Variants in TRPM3 observed in about 807,000 individuals in gnomAD.
The protein encoded by TRPM3 is long transient receptor potential channel 3.
In TRPM3, 77 loss-of-function variants were observed where a neutral mutation model predicts 181.2. The ratio of observed to expected loss-of-function variants is 0.42; its 90% CI spans 0.35 to 0.51. The LOEUF is 0.51. TRPM3 is among the 20% of genes least tolerant of loss of function. The pLI, the probability that TRPM3 is intolerant of heterozygous loss-of-function variation, is 0.01. For missense variants in TRPM3, 1,759 were observed against 2,196.7 expected, an observed-to-expected ratio of 0.80 and a Z score of 3.98; for synonymous variants, 745 against 796.4, an observed-to-expected ratio of 0.94 and a Z score of 1.09.
intron 1 of TRPM3, among the ~76,000 whole-genome samples, chr9:70,889,068 A>G (rs2096146646): frequency 6.6e-6 from 1 of 152,180 alleles, no homozygotes; most frequent in Non-Finnish European, 1.5e-5. Context: ...AAGCTCGGGA[A>G]CTGGAAGGGG....
intron 1 of TRPM3, among the ~76,000 whole-genome samples, chr9:70,930,401 T>C (rs369419081): frequency 1.3e-5 from 2 of 152,218 alleles, no homozygotes; most frequent in African/African-American, 4.8e-5. Context: ...AAATTATTTA[T>C]CTGGGTGAAG....
chr9:70,668,691 A>G (rs1322438430), intron 9 of TRPM3, among the ~76,000 whole-genome samples: 2 of 151,024 alleles, frequency 1.3e-5, no homozygotes, highest in African/African-American at 2.4e-5. Flanking sequence ...AAAAAAAAAA[A>G]AAAAAAGAAA....
intron 1 of TRPM3, among the ~76,000 whole-genome samples, chr9:71,219,430 A>G (rs2131841589): frequency 6.6e-6 from 1 of 152,284 alleles, no homozygotes. Flanking sequence ...TTTTTAAGTG[A>G]TAAAATCAAC....
chr9:70,973,991 G>A (rs1269954946), intron 1 of TRPM3, among the ~76,000 whole-genome samples: 1 of 152,094 alleles, frequency 6.6e-6, no homozygotes, highest in Admixed American at 6.5e-5. Flanking sequence ...ATAGTTAATT[G>A]TAGTATATGT....
intron 1 of TRPM3, among the ~76,000 whole-genome samples, chr9:71,413,801 G>C (rs975692017): frequency 1.3e-5 from 2 of 151,720 alleles, no homozygotes; most frequent in Admixed American, 1.3e-4. Context: ...GCCCTAACCT[G>C]CCAGATGCTT....
intron 8 of TRPM3, among the ~76,000 whole-genome samples, chr9:70,750,842 C>T (rs1049453585): frequency 6.6e-6 from 1 of 152,004 alleles, no homozygotes; most frequent in Non-Finnish European, 1.5e-5. Context: ...GACGAGACAA[C>T]CAGGTGAGAC....
rs557184147 is a variant in TRPM3, at chr9:71,300,205, A to G, written c.183+146448T>C. Among the ~76,000 whole-genome samples the G allele has an allele frequency of 3.9e-5, 6 of 152,182 alleles. No individual in the cohort carries two copies. In the South Asian group the frequency reaches 1.2e-3, roughly 31 times the overall value. On this transcript the variant is annotated intron_variant, in intron 1 of 24. Transcript: ENST00000357533. ...AAGAAACAGTAACCTTATAAACATT[A>G]GAAACATTAACTTTGTAAAAACTTA...
chr9:71,234,664 C>T (rs973656597), intron 1 of TRPM3, among the ~76,000 whole-genome samples: 2 of 152,140 alleles, frequency 1.3e-5, no homozygotes, highest in Admixed American at 1.3e-4. Flanking sequence ...CAGTTACACC[C>T]ACCTTAATGT....
chr9:70,748,780 T>C (rs2075628875), intron 8 of TRPM3, among the ~76,000 whole-genome samples: 1 of 152,194 alleles, frequency 6.6e-6, no homozygotes, highest in African/African-American at 2.4e-5. Flanking sequence ...CTGTTGTTTA[T>C]AAACTACCTA....
chr9:70,933,376 A>G (rs1324830697), intron 1 of TRPM3, among the ~76,000 whole-genome samples: 2 of 152,226 alleles, frequency 1.3e-5, no homozygotes, highest in African/African-American at 4.8e-5. Flanking sequence ...CTTAACTCTA[A>G]CATTTAAGGA....
intron 1 of TRPM3, among the ~76,000 whole-genome samples, chr9:70,912,590 C>T (rs571499991): frequency 1.3e-5 from 2 of 152,192 alleles, no homozygotes; most frequent in African/African-American, 4.8e-5. Flanking sequence ...GTTTGGGTAG[C>T]TTATCTTAAA....
chr9:70,827,594 T>C (rs1230634548), intron 6 of TRPM3: 1 of 365,544 alleles, frequency 2.7e-6, no homozygotes, highest in Non-Finnish European at 5.1e-6. Flanking sequence ...TGCATACACA[T>C]ACCCCAGATG....
At chr9:71,350,430 A>C (rs964005636) in intron 1 of TRPM3, among the ~76,000 whole-genome samples, 1 of 152,198 alleles carries the variant, frequency 6.6e-6, no homozygotes, top group African/African-American at 2.4e-5. Flanking sequence ...ACTGCAAAAA[A>C]ATCTCTAGTT....
At chr9:71,227,459 A>G (rs1349517304) in intron 1 of TRPM3, among the ~76,000 whole-genome samples, 2 of 152,088 alleles carry the variant, frequency 1.3e-5, no homozygotes, top group Admixed American at 1.3e-4. Flanking sequence ...GCAAGAGCAA[A>G]CCAAACCCAA....
chr9:71,117,571 T>G (rs536857295), intron 1 of TRPM3, among the ~76,000 whole-genome samples: 4 of 152,202 alleles, frequency 2.6e-5, no homozygotes, highest in Admixed American at 1.3e-4. Context: ...CCCTTCATTT[T>G]AAAGAAGACA....
intron 24 of TRPM3, 111 bp downstream of exon 24, chr9:70,552,733 A>T: frequency 9.0e-7 from 1 of 1,106,732 alleles, no homozygotes; most frequent in Non-Finnish European, 1.4e-6. Context: ...AGCTGTCTGC[A>T]GCCTGCAAGA....
chr9:71,436,245 C>T (rs1271871191), intron 1 of TRPM3, among the ~76,000 whole-genome samples: 1 of 149,068 alleles, frequency 6.7e-6, no homozygotes, highest in East Asian at 2.0e-4. Flanking sequence ...TCTGAGGCCT[C>T]CTCAGCCATG....
intron 1 of TRPM3, among the ~76,000 whole-genome samples, chr9:71,355,596 G>A (rs1588641948): frequency 6.6e-6 from 1 of 152,112 alleles, no homozygotes; most frequent in Non-Finnish European, 1.5e-5. Context: ...TCTTACGGCA[G>A]CCCTAGGAAG....
chr9:70,811,081 G>A (rs970068933), intron 6 of TRPM3: 4 of 1,062,886 alleles, frequency 3.8e-6, no homozygotes, highest in Non-Finnish European at 5.6e-6. Flanking sequence ...GAGTGATACT[G>A]TTAGGAAATT....
Sources: gnomAD v4.1 joint callset for allele counts (sites outside exome capture counted in the v4.1 genomes callset) on GRCh38, gnomAD v4.1.1 for gene constraint, MANE v1.5 for transcripts, NCBI Gene and HGNC (gene_info 2026-07-23, HGNC 2026-07-21) for gene names.